Variants in GRIN2B observed in about 807,000 individuals in gnomAD.
The protein encoded by GRIN2B is glutamate ionotropic receptor NMDA type subunit 2B.
A neutral mutation model predicts 114.5 loss-of-function variants in GRIN2B; 5 were observed. The observed-to-expected ratio is 0.04, with a 90% confidence interval of 0.02 to 0.09. The LOEUF is 0.09. GRIN2B is among the 10% of genes least tolerant of loss of function. The probability of loss-of-function intolerance (pLI) is 1.00; values close to 1 mark genes in which losing one functional copy is unlikely to be tolerated. For missense variants in GRIN2B, 1,108 were observed against 1,943.5 expected (o/e 0.57, Z 8.08); for synonymous variants, 787 against 745.1 (o/e 1.06, Z -0.92).
chr12:13,671,887 A>G (rs1416212015), intron 5 of GRIN2B, among the ~76,000 whole-genome samples: 1 of 152,172 alleles, frequency 6.6e-6, no homozygotes, highest in Non-Finnish European at 1.5e-5. Context: ...GTGAAGAGGC[A>G]GGCAATAAAC....
At chr12:13,869,735 G>A (rs1009597042) in intron 2 of GRIN2B, among the ~76,000 whole-genome samples, 4 of 151,900 alleles carry the variant, frequency 2.6e-5, no homozygotes, top group African/African-American at 9.7e-5. Context: ...AGTATAATAT[G>A]AGTGTTGAGT....
chr12:13,614,355 C>T (rs1014954871), intron 8 of GRIN2B, among the ~76,000 whole-genome samples: 1 of 152,136 alleles, frequency 6.6e-6, no homozygotes, highest in African/African-American at 2.4e-5. Context: ...TTGTTTATGC[C>T]AAACCCAGTC....
chr12:13,616,266 C>G (rs890777763), intron 6 of GRIN2B, among the ~76,000 whole-genome samples, 189 bp downstream of exon 6: 1 of 152,110 alleles, frequency 6.6e-6, no homozygotes, highest in African/African-American at 2.4e-5. Flanking sequence ...ATCATTTTCC[C>G]AGGTCACCAG....
intron 3 of GRIN2B, among the ~76,000 whole-genome samples, chr12:13,778,911 T>C (rs1265940251): frequency 1.2e-5 from 1 of 82,400 alleles, no homozygotes; most frequent in Non-Finnish European, 2.3e-5. Context: ...ATTTCTTTAA[T>C]TGAGAAATTA....
intron 2 of GRIN2B, among the ~76,000 whole-genome samples, chr12:13,905,858 G>A (rs1326040093): frequency 3.3e-5 from 5 of 152,028 alleles, no homozygotes; most frequent in East Asian, 1.9e-4. Context: ...CCCCAGCCCC[G>A]TTCTGCTCAG....
chr12:13,834,376 G>A (rs1865215842), intron 3 of GRIN2B, among the ~76,000 whole-genome samples: 1 of 151,932 alleles, frequency 6.6e-6, no homozygotes, highest in Non-Finnish European at 1.5e-5. Context: ...GCTGTCCACA[G>A]GAAGTTCCAC....
chr12:13,753,913 A>G lies in GRIN2B; in HGVS notation c.414T>C (p.Asp138=), dbSNP rs1156646657. The G allele has an allele frequency of 2.5e-6, 4 of 1,595,824 alleles. No homozygotes were observed. Among genetic ancestry groups the G allele is most frequent in the Non-Finnish European group, 3.4e-6 (4 of 1,163,336 alleles). The change falls in exon 4 of 14, where the codon GAT becomes GAC. Residue 138 remains aspartate (D), a splice_region_variant and synonymous_variant. Transcript: ENST00000609686. This position sits in a 1 kb window ranked among gnomAD's most constrained non-coding sequence, Gnocchi z 6.2. ...CAAACTGGAAGAACATGGAGGATTC[A>G]TCCTAGAAAAAGAACAGGACAAAAA... ...GGSSMIMADK[D]ESSMFFQFGP...
chr12:13,639,472 A>G (rs910510459), intron 5 of GRIN2B, among the ~76,000 whole-genome samples: 8 of 152,140 alleles, frequency 5.3e-5, no homozygotes, highest in Non-Finnish European at 8.8e-5. Flanking sequence ...GTCACTTCTC[A>G]ACGTTCAATG....
At chr12:13,755,102 G>A (rs576322813) in intron 3 of GRIN2B, among the ~76,000 whole-genome samples, 1 of 152,166 alleles carries the variant, frequency 6.6e-6, no homozygotes, top group East Asian at 1.9e-4. Context: ...AGCAATCCAG[G>A]CTAACAAAAC....
At chr12:13,896,124 G>A (rs1206466086) in intron 2 of GRIN2B, among the ~76,000 whole-genome samples, 2 of 152,160 alleles carry the variant, frequency 1.3e-5, no homozygotes, top group African/African-American at 2.4e-5. Context: ...GAGGATCGCA[G>A]TGTGATTTCA....
At chr12:13,576,239 A>T (rs899483226) in intron 10 of GRIN2B, among the ~76,000 whole-genome samples, 1 of 152,166 alleles carries the variant, frequency 6.6e-6, no homozygotes, top group African/African-American at 2.4e-5. Context: ...GCCCGTGGGG[A>T]AGAAGGAAAA....
intron 3 of GRIN2B, among the ~76,000 whole-genome samples, chr12:13,762,804 T>C (rs906414633): frequency 2.0e-5 from 3 of 152,216 alleles, no homozygotes; most frequent in East Asian, 1.9e-4. Context: ...GGATCAGTCA[T>C]GCTTGTTTGG....
At chr12:13,570,850 C>T (rs1297018217) in intron 11 of GRIN2B, among the ~76,000 whole-genome samples, 1 of 152,132 alleles carries the variant, frequency 6.6e-6, no homozygotes, top group Non-Finnish European at 1.5e-5. Flanking sequence ...CACCATTATT[C>T]CCTTCATTTT....
At chr12:13,944,986 C>T (rs2136840334) in intron 2 of GRIN2B, among the ~76,000 whole-genome samples, 1 of 152,170 alleles carries the variant, frequency 6.6e-6, no homozygotes, top group Middle Eastern at 3.4e-3. Context: ...TTGTATGATT[C>T]CAGTAAACCA....
intron 2 of GRIN2B, among the ~76,000 whole-genome samples, chr12:13,960,569 G>A (rs1406313547): frequency 6.6e-6 from 1 of 152,132 alleles, no homozygotes; most frequent in East Asian, 1.9e-4. Flanking sequence ...AAAGCATCAG[G>A]CCTAAGGCAC....
At chr12:13,939,790 C>A (rs946690667) in intron 2 of GRIN2B, among the ~76,000 whole-genome samples, 1 of 151,970 alleles carries the variant, frequency 6.6e-6, no homozygotes, top group Non-Finnish European at 1.5e-5. Context: ...GTACAGCCTG[C>A]AGAACCATGA....
chr12:13,648,386 G>A (rs1297223669), intron 5 of GRIN2B, among the ~76,000 whole-genome samples: 3 of 151,894 alleles, frequency 2.0e-5, no homozygotes, highest in African/African-American at 7.2e-5. Context: ...CAACCTTACA[G>A]ACATTTGGAA....
chr12:13,804,274 T>A (rs1224505078), intron 3 of GRIN2B, among the ~76,000 whole-genome samples: 1 of 151,876 alleles, frequency 6.6e-6, no homozygotes, highest in Non-Finnish European at 1.5e-5. Flanking sequence ...TACATTCTAT[T>A]AAATTGATTT....
chr12:13,626,138 C>G (rs1428611506), intron 5 of GRIN2B, among the ~76,000 whole-genome samples: 2 of 152,128 alleles, frequency 1.3e-5, no homozygotes, highest in East Asian at 3.8e-4. Flanking sequence ...TTTGATGTGC[C>G]TTCCTCCAAT....
Sources: gnomAD v4.1 joint callset for allele counts (sites outside exome capture counted in the v4.1 genomes callset) on GRCh38, gnomAD v4.1.1 for gene constraint, Gnocchi (gnomAD v3.1) non-coding constraint, MANE v1.5 for transcripts, NCBI Gene and HGNC (gene_info 2026-07-23, HGNC 2026-07-21) for gene names.